SH3RF3: variants seen among roughly 807,000 people sequenced by gnomAD.
SH3RF3 encodes the protein E3 ubiquitin-protein ligase SH3RF3.
In SH3RF3, 29 loss-of-function variants were observed where a neutral mutation model predicts 66.3. That is an observed-to-expected ratio of 0.44 (90% CI 0.33 to 0.60). SH3RF3 has a LOEUF of 0.60. SH3RF3 is among the 20% of genes least tolerant of loss of function. SH3RF3 has a pLI of 0.04. For synonymous variants in SH3RF3, 583 were observed against 532.0 expected, an observed-to-expected ratio of 1.10 and a Z score of -1.32; for missense variants, 1,194 against 1,190.9, an observed-to-expected ratio of 1.00 and a Z score of -0.04.
At chr2:109,132,593 G>C (rs1333997115) in intron 1 of SH3RF3, among the ~76,000 whole-genome samples, 1 of 152,194 alleles carries the variant, frequency 6.6e-6, no homozygotes, top group African/African-American at 2.4e-5. Flanking sequence ...CCTAAGATCA[G>C]GAGTTGGTCT....
chr2:109,267,972 G>A (rs1262430612), intron 1 of SH3RF3, among the ~76,000 whole-genome samples: 1 of 151,984 alleles, frequency 6.6e-6, no homozygotes, highest in Non-Finnish European at 1.5e-5. Flanking sequence ...TCTCAGCCCT[G>A]CTGCAGTTGT....
intron 1 of SH3RF3, among the ~76,000 whole-genome samples, chr2:109,254,440 C>T (rs1209049340): frequency 6.6e-6 from 1 of 152,102 alleles, no homozygotes; most frequent in African/African-American, 2.4e-5. Flanking sequence ...TGGATTAATG[C>T]TGTAAAGTAC....
At chr2:109,467,163 C>A (rs1246379300) in intron 8 of SH3RF3, among the ~76,000 whole-genome samples, 1 of 152,204 alleles carries the variant, frequency 6.6e-6, no homozygotes, top group East Asian at 1.9e-4. Context: ...GACACACAGG[C>A]CTACACAAAG....
At chr2:109,132,196 C>T (rs1163729509) in intron 1 of SH3RF3, among the ~76,000 whole-genome samples, 1 of 152,028 alleles carries the variant, frequency 6.6e-6, no homozygotes, top group African/African-American at 2.4e-5. Flanking sequence ...TATTACAGTC[C>T]CATCATTTTC....
At chr2:109,330,033 C>A (rs1023210098) in intron 1 of SH3RF3, among the ~76,000 whole-genome samples, 4 of 152,160 alleles carry the variant, frequency 2.6e-5, no homozygotes, top group Non-Finnish European at 4.4e-5. Context: ...CTGGCCCTTA[C>A]AAAACATTGA....
intron 1 of SH3RF3, among the ~76,000 whole-genome samples, chr2:109,192,633 C>G (rs567801401): frequency 6.6e-6 from 1 of 152,262 alleles, no homozygotes; most frequent in South Asian, 2.1e-4. Flanking sequence ...AGTAAATATA[C>G]AGAAGGTAAT....
intron 1 of SH3RF3, among the ~76,000 whole-genome samples, chr2:109,200,516 C>G (rs544240968): frequency 6.6e-6 from 1 of 152,166 alleles, no homozygotes; most frequent in Admixed American, 6.5e-5. Flanking sequence ...TCCAAGCCTC[C>G]GACTCTGCCC....
chr2:109,154,951 G>A (rs1032690753), intron 1 of SH3RF3, among the ~76,000 whole-genome samples: 9 of 152,186 alleles, frequency 5.9e-5, no homozygotes, highest in Non-Finnish European at 1.3e-4. Context: ...GTCAAAAGAG[G>A]CTTTCCAGAT....
At chr2:109,494,472 G>A (rs1329524460) in intron 9 of SH3RF3, among the ~76,000 whole-genome samples, 1 of 151,710 alleles carries the variant, frequency 6.6e-6, no homozygotes, top group Non-Finnish European at 1.5e-5. Flanking sequence ...GCATGACTGG[G>A]AAAATGCTGA....
intron 1 of SH3RF3, among the ~76,000 whole-genome samples, chr2:109,162,618 GTC>G (rs1297580837): frequency 6.6e-6 from 1 of 152,080 alleles, no homozygotes; most frequent in African/African-American, 2.4e-5. Context: ...GCTTAATCCA[GTC>G]TATCATTGTT....
chr2:109,447,850 A>G (rs554680670), intron 7 of SH3RF3, among the ~76,000 whole-genome samples: 2 of 152,222 alleles, frequency 1.3e-5, no homozygotes, highest in East Asian at 3.9e-4. Context: ...CATCTTTAAG[A>G]ATTGTTTTTG....
At chr2:109,487,269 C>G (rs1679007834) in intron 8 of SH3RF3, among the ~76,000 whole-genome samples, 1 of 152,226 alleles carries the variant, frequency 6.6e-6, no homozygotes, top group African/African-American at 2.4e-5. Flanking sequence ...CCAAATCAGT[C>G]TATGAGCCTC....
In SH3RF3 at chr2:109,504,355, A is replaced by G. The variant is rs1258720198; in HGVS notation, c.*2684A>G. The G allele has an allele frequency of 6.6e-6, 1 of 152,228 alleles. No individual in the cohort carries two copies. Among genetic ancestry groups the G allele is most frequent in the Non-Finnish European group, 1.5e-5 (1 of 68,080 alleles). The allele number at this position is 152,228 out of a possible 1,614,324, so 9.4% of individuals were successfully genotyped here. A position where few individuals can be genotyped will look rare whatever the true frequency, so the allele number is the denominator to read the frequency against. On this transcript the variant is annotated 3_prime_UTR_variant, in exon 10 of 10. Transcript: ENST00000309415. ...CACCGAGGGGACAGGACTGCAGGCC[A>G]CCAGGGGCCTCTGCCCAGAGGGAGG...
chr2:109,435,730 C>T (rs1677380687), intron 6 of SH3RF3, among the ~76,000 whole-genome samples: 1 of 152,210 alleles, frequency 6.6e-6, no homozygotes, highest in African/African-American at 2.4e-5. Flanking sequence ...TATCACCTTG[C>T]AAATTAGTGA....
chr2:109,236,830 G>A lies in SH3RF3; in HGVS notation c.573+106717G>A, dbSNP rs1422699238. ...TACATTTAAGAGGACTCTCCTCAGA[G>A]ATCAAAATTGCAGGTACAGTCTCCG... On this transcript the variant is annotated intron_variant, in intron 1 of 9. Transcript: ENST00000309415. 2.6e-5 allele frequency among the ~76,000 whole-genome samples: 4 copies of A among 152,196 alleles called. No individual in the cohort carries two copies. In the South Asian group the frequency reaches 8.3e-4, roughly 32 times the overall value.
chr2:109,423,149 G>T (rs1213106252), intron 5 of SH3RF3, among the ~76,000 whole-genome samples: 1 of 152,124 alleles, frequency 6.6e-6, no homozygotes, highest in East Asian at 1.9e-4. Flanking sequence ...GCACCTGAGG[G>T]ACCTGGGAGT....
At chr2:109,466,072 C>CTTTTTTTTTTTTTT (rs1171998206) in intron 8 of SH3RF3, among the ~76,000 whole-genome samples, 3 of 82,334 alleles carry the variant, frequency 3.6e-5, no homozygotes, top group Non-Finnish European at 4.5e-5. Context: ...ACCTGTACAT[C>CTTTTTTTTTTTTTT]TTTTTTTTTT....
At chr2:109,132,008 G>T (rs929866724) in intron 1 of SH3RF3, among the ~76,000 whole-genome samples, 80 of 152,332 alleles carry the variant, frequency 5.3e-4, no homozygotes, top group African/African-American at 1.9e-3. Context: ...ATCAGGCATT[G>T]AGCAACCCTA....
intron 1 of SH3RF3, among the ~76,000 whole-genome samples, chr2:109,277,362 A>G (rs950026357): frequency 1.3e-5 from 2 of 152,130 alleles, no homozygotes; most frequent in Non-Finnish European, 2.9e-5. Context: ...CATTTCATTT[A>G]CTGCTCTTTA....
Sources: gnomAD v4.1 joint callset for allele counts (sites outside exome capture counted in the v4.1 genomes callset) on GRCh38, gnomAD v4.1.1 for gene constraint, MANE v1.5 for transcripts, NCBI Gene and HGNC (gene_info 2026-07-23, HGNC 2026-07-21) for gene names.